Variants in TCF7 observed in about 807,000 individuals in gnomAD.
TCF7 encodes the protein transcription factor 7, also known as T-cell-factor-7.
In TCF7, 19 loss-of-function variants were observed where a neutral mutation model predicts 46.8. The ratio of observed to expected loss-of-function variants is 0.41; its 90% CI spans 0.28 to 0.60. TCF7 has a LOEUF of 0.60. TCF7 is among the 20% of genes least tolerant of loss of function. The probability of loss-of-function intolerance (pLI) is 0.35; values close to 1 mark genes in which losing one functional copy is unlikely to be tolerated. For missense variants in TCF7, 547 were observed against 504.6 expected, an observed-to-expected ratio of 1.08 and a Z score of -0.81; for synonymous variants, 245 against 213.4, an observed-to-expected ratio of 1.15 and a Z score of -1.29.
In TCF7 at chr5:134,114,875, A is replaced by AGCGCCCC. The variant is rs943700474; in HGVS notation, c.-23_-17dup. 5 of 983,544 alleles carry AGCGCCCC rather than the reference A, an allele frequency of 5.1e-6. No homozygotes were observed. Among genetic ancestry groups the AGCGCCCC allele is most frequent in the Non-Finnish European group, 6.0e-6 (5 of 831,156 alleles). The allele number at this position is 983,544 out of a possible 1,614,324, so 60.9% of individuals were successfully genotyped here. On this transcript the variant is annotated 5_prime_UTR_variant, in exon 1 of 10. Coordinates refer to ENST00000342854, the MANE Select transcript of TCF7 (RefSeq NM_003202.5). ...TCCGCGCCCCGCACTCCCGGCGCCC[A>AGCGCCCC]GCGCCCCGCGCCCCGGCGGGCGGAG...
At chr5:134,125,286 C>T (rs1757191810) in intron 3 of TCF7, among the ~76,000 whole-genome samples, 1 of 152,246 alleles carries the variant, frequency 6.6e-6, no homozygotes, top group African/African-American at 2.4e-5. Context: ...TTTGTAAACT[C>T]CACATCATTT....
intron 3 of TCF7, among the ~76,000 whole-genome samples, chr5:134,123,948 G>T (rs1033672653): frequency 1.3e-5 from 2 of 152,128 alleles, no homozygotes; most frequent in Admixed American, 1.3e-4. Context: ...CAAGGCAGGG[G>T]TACCTCAGAG....
chr5:134,138,814 T>C, intron 4 of TCF7, 137 bp from the exon 5 acceptor site: 1 of 1,355,586 alleles, frequency 7.4e-7, no homozygotes. Context: ...TCCTCCTGAA[T>C]AAACTAGTTT....
rs771465986 is a variant in TCF7, at chr5:134,142,318, CAAT to C, written c.755+15_755+17del. ...CGACCGCAACCTGTGAGTGAAAAGA[CAAT>C]GATGGCAGGGGGTGTGTCAGTCAGG... On this transcript the variant is annotated intron_variant, in intron 6 of 9. Coordinates refer to ENST00000342854, the MANE Select transcript of TCF7 (RefSeq NM_003202.5). The C allele has an allele frequency of 1.7e-5, 26 of 1,566,894 alleles. No homozygotes were observed. Among genetic ancestry groups the C allele is most frequent in the Middle Eastern group, 1.7e-4 (1 of 5,850 alleles).
At chr5:134,113,615 T>C (rs1305052732), upstream of TCF7, among the ~76,000 whole-genome samples, 1 of 152,230 alleles carries the variant, frequency 6.6e-6, no homozygotes, top group Non-Finnish European at 1.5e-5. Flanking sequence ...CTAGGGGAGC[T>C]GCTGTTGACT....
chr5:134,110,774 G>T (rs1203998381), upstream of TCF7, among the ~76,000 whole-genome samples: 1 of 152,202 alleles, frequency 6.6e-6, no homozygotes, highest in Non-Finnish European at 1.5e-5. Context: ...GACGTTTTCT[G>T]GAAATGCCAC....
intron 8 of TCF7, 106 bp from the exon 9 acceptor site, chr5:134,143,486 G>T: frequency 7.4e-7 from 1 of 1,347,778 alleles, no homozygotes. Flanking sequence ...AGGTAGGAGG[G>T]GCCTGTACGC....
At chr5:134,115,778 C>T in intron 2 of TCF7, 131 bp from the exon 3 acceptor site, 1 of 1,516,262 alleles carries the variant, frequency 6.6e-7, no homozygotes. Context: ...CCGATACTCC[C>T]AGCCCGTTCC....
At chr5:134,144,390 A>G in intron 9 of TCF7, 1 of 243,496 alleles carries the variant, frequency 4.1e-6, no homozygotes, top group East Asian at 1.1e-4. Context: ...GTCAAGAATG[A>G]AGAAAAACTG....
chr5:134,128,710 G>C (rs955829413), intron 3 of TCF7, among the ~76,000 whole-genome samples: 4 of 151,742 alleles, frequency 2.6e-5, no homozygotes, highest in Non-Finnish European at 5.9e-5. Flanking sequence ...TGCCTTTCTG[G>C]GCCTTGCCTG....
intron 9 of TCF7, chr5:134,144,767 G>A (rs780353287): frequency 1.1e-5 from 18 of 1,602,078 alleles, no homozygotes; most frequent in African/African-American, 2.7e-5. Context: ...CCTCTGCCCT[G>A]CTCTACCCCT....
chr5:134,126,301 T>G (rs3972625), intron 3 of TCF7, among the ~76,000 whole-genome samples: 22,954 of 152,110 alleles, frequency 0.15, 2,729 homozygotes, highest in African/African-American at 0.32. Flanking sequence ...GCAGTGGGCA[T>G]CCCCATGGGC....
chr5:134,140,115 C>T (rs1039885885), intron 5 of TCF7, among the ~76,000 whole-genome samples: 5 of 152,172 alleles, frequency 3.3e-5, no homozygotes, highest in East Asian at 1.9e-4. Context: ...CCTGTGCTCT[C>T]GGCTTCCACC....
At chr5:134,130,330 C>T (rs555945977) in intron 3 of TCF7, among the ~76,000 whole-genome samples, 2 of 152,308 alleles carry the variant, frequency 1.3e-5, no homozygotes, top group East Asian at 3.9e-4. Context: ...CGGCACAAAG[C>T]GCCATTGATG....
Position 134,115,128 on chromosome 5 carries a change from C to T in TCF7, c.222C>T (p.Ala74=). 2 of 1,015,402 alleles carry T rather than the reference C, an allele frequency of 2.0e-6. No homozygotes were observed. Among genetic ancestry groups the T allele is most frequent in the Non-Finnish European group, 2.4e-6 (2 of 850,524 alleles). 62.9% of individuals were successfully genotyped at this position (1,015,402 alleles called of 1,614,324 possible). ...GGAGIPGVPG[A]GAGARGEAEA... is the part of the protein sequence containing the mutation. ...CAGGGATCCCGGGGGTCCCGGGGGC[C>T]GGCGCCGGGGCCCGCGGCGAGGCCG... is the stretch of plus-strand genomic sequence containing the variant. Residue 74 remains alanine (A), a synonymous_variant, in exon 1 of 10, where the codon GCC becomes GCT. Transcript: ENST00000342854.
chr5:134,116,828 T>A (rs1755901801), intron 3 of TCF7, among the ~76,000 whole-genome samples: 1 of 152,232 alleles, frequency 6.6e-6, no homozygotes, highest in Non-Finnish European at 1.5e-5. Flanking sequence ...AAATTCCTAT[T>A]CGTGTTTCAC....
At chr5:134,143,423 T>C (rs1760177841) in intron 8 of TCF7, 169 bp from the exon 9 acceptor site, 2 of 854,440 alleles carry the variant, frequency 2.3e-6, no homozygotes, top group Non-Finnish European at 4.0e-6. Flanking sequence ...AGCTTCTAAA[T>C]GCACTCCATA....
the TCF7 span, among the ~76,000 whole-genome samples, chr5:134,108,887 A>G: frequency 6.6e-6 from 1 of 152,190 alleles, no homozygotes; most frequent in African/African-American, 2.4e-5. Context: ...GGAAAAGGCC[A>G]CATCCTCTTT....
intron 7 of TCF7, 43 bp from the exon 8 acceptor site, chr5:134,142,950 T>C (rs1420606551): frequency 1.9e-6 from 3 of 1,612,448 alleles, no homozygotes; most frequent in Admixed American, 3.3e-5. Context: ...TGCAGCCTGC[T>C]GACTCCCTGA....
Sources: allele counts gnomAD v4.1 joint callset (sites outside exome capture counted in the v4.1 genomes callset), GRCh38; gene constraint gnomAD v4.1.1; transcripts MANE v1.5; gene names NCBI Gene and HGNC (gene_info 2026-07-23, HGNC 2026-07-21).